RINL: variants seen among roughly 807,000 people sequenced by gnomAD.
The protein encoded by RINL is ras and Rab interactor-like protein.
In RINL, 39 loss-of-function variants were observed where a neutral mutation model predicts 58.1. That is an observed-to-expected ratio of 0.67 (90% CI 0.52 to 0.88). The LOEUF is 0.88. RINL is among the 40% of genes least tolerant of loss of function. RINL has a pLI of 0.00. For synonymous variants in RINL, 286 were observed against 323.1 expected, an observed-to-expected ratio of 0.89 and a Z score of 1.23; for missense variants, 711 against 749.2, an observed-to-expected ratio of 0.95 and a Z score of 0.60.
At chr19:38,876,239 T>C in intron 3 of RINL, 92 bp downstream of exon 3, 5 of 1,294,922 alleles carry the variant, frequency 3.9e-6, no homozygotes, top group Non-Finnish European at 5.2e-6. Flanking sequence ...ATAGCCTTTT[T>C]GGTTTGCCCA....
intron 3 of RINL, among the ~76,000 whole-genome samples, chr19:38,876,089 T>C (rs1229135969): frequency 6.6e-6 from 1 of 151,004 alleles, no homozygotes; most frequent in Non-Finnish European, 1.5e-5. Flanking sequence ...AGACAGGGTC[T>C]TGCTCCATCA....
In RINL at chr19:38,870,747, C is replaced by T. The variant is rs1186942418; in HGVS notation, c.847G>A (p.Val283Met). Reference protein sequence around the residue: ...YVARQYRSLRVRIASDSGGPH... With the variant: ...YVARQYRSLRMRIASDSGGPH... The stretch of plus-strand genomic sequence containing the variant: ...CCCCCAGAATCTGAGGCGATGCGCA[C>T]CCGAAGGCTTCGGTACTGCCTGGCC... The change falls in exon 8 of 12, where the codon GTG (valine) becomes ATG (methionine). Residue 283 changes from valine (V) to methionine (M), a missense_variant. Coordinates refer to ENST00000591812, the MANE Select transcript of RINL (RefSeq NM_001195833.2). The surrounding 1 kb of genome is among the most constrained non-coding windows in gnomAD (Gnocchi z 5.8). 6.2e-7 allele frequency: 1 copy of T among 1,613,300 alleles called. No homozygotes were observed. Among genetic ancestry groups the T allele is most frequent in the African/African-American group, 1.3e-5 (1 of 74,936 alleles).
intron 6 of RINL, 137 bp from the exon 7 acceptor site, chr19:38,871,364 G>C: frequency 2.1e-6 from 2 of 946,398 alleles, no homozygotes; most frequent in Non-Finnish European, 3.2e-6. Context: ...TCCTCAGTCA[G>C]ACCCAGGAGT....
chr19:38,870,052 G>C lies in RINL; in HGVS notation c.1233C>G (p.His411Gln). The C allele has an allele frequency of 6.5e-7, 1 of 1,539,988 alleles. No individual in the cohort carries two copies. Among genetic ancestry groups the C allele is most frequent in the Non-Finnish European group, 8.7e-7 (1 of 1,147,884 alleles). Residue 411 changes from histidine to glutamine, a missense_variant, in exon 9 of 12, where the codon CAC (histidine) becomes CAG (glutamine). By Grantham distance (24) the His-to-Gln change is conservative (BLOSUM62 0). Transcript: ENST00000591812. The surrounding 1 kb of genome is among the most constrained non-coding windows in gnomAD (Gnocchi z 5.8). ...SPAPALRSRIHERLAHLHAAC... is the reference protein window; with the variant it reads ...SPAPALRSRIQERLAHLHAAC... Reference sequence around the variant, plus strand: ...CAGCGTGGAGGTGCGCAAGGCGCTCGTGGATGCGGCTCCGCAAGGCGGGGG... The same window carrying C: ...CAGCGTGGAGGTGCGCAAGGCGCTCCTGGATGCGGCTCCGCAAGGCGGGGG...
At chr19:38,871,774 G>C in intron 5 of RINL, 24 bp downstream of exon 5, 3 of 1,613,268 alleles carry the variant, frequency 1.9e-6, no homozygotes, top group Non-Finnish European at 2.5e-6. Context: ...GTCCCCCTTA[G>C]TGCCTCAGAT....
At chr19:38,873,855 GT>G in intron 4 of RINL, 30 bp downstream of exon 4, 2 of 1,332,564 alleles carry the variant, frequency 1.5e-6, no homozygotes, top group Non-Finnish European at 2.1e-6. Flanking sequence ...TCAATTGACT[GT>G]GGGCTGGAAC....
chr19:38,868,814 AC>A lies in RINL; in HGVS notation c.*289del, dbSNP rs535559624. 1.6e-3 allele frequency: 537 copies of A among 343,576 alleles called. 3 individuals carry two copies. Among genetic ancestry groups the A allele is most frequent in the South Asian group, 7.2e-3 (159 of 21,964 alleles). The allele number at this position is 343,576 out of a possible 1,614,324, so 21.3% of individuals were successfully genotyped here. A position where few individuals can be genotyped will look rare whatever the true frequency, so the allele number is the denominator to read the frequency against. On this transcript the variant is annotated 3_prime_UTR_variant, in exon 12 of 12. Coordinates refer to ENST00000591812, the MANE Select transcript of RINL (RefSeq NM_001195833.2). Reference sequence around the variant, plus strand: ...TGCTTCTCGGAATGCTCTTCCTAATACCCACTCTGCTCCTCCCTTCCCCTCC... The same window carrying A: ...TGCTTCTCGGAATGCTCTTCCTAATACCACTCTGCTCCTCCCTTCCCCTCC...
At position 38,869,467 on chromosome 19, in the gene RINL, T is replaced by TC; in HGVS notation, c.1475-58dup. The TC allele has an allele frequency of 6.3e-7, 1 of 1,577,418 alleles. No homozygotes were observed. The highest frequency in any genetic ancestry group is 8.6e-7 in the Non-Finnish European group (1 of 1,159,156). On this transcript the variant is annotated intron_variant, in intron 10 of 11. Coordinates refer to ENST00000591812, the MANE Select transcript of RINL (RefSeq NM_001195833.2). The surrounding 1 kb of genome is among the most constrained non-coding windows in gnomAD (Gnocchi z 5.7). Reference sequence around the variant, plus strand: ...TCTCGGCTTCCCTGGTCGCCCCAAATCCCCCTGCAGTTTGCCTGCCGTCCC... The same window carrying TC: ...TCTCGGCTTCCCTGGTCGCCCCAAATCCCCCCTGCAGTTTGCCTGCCGTCCC...
chr19:38,877,569 G>T (rs1425360105), intron 1 of RINL, among the ~76,000 whole-genome samples: 1 of 152,148 alleles, frequency 6.6e-6, no homozygotes, highest in African/African-American at 2.4e-5. Context: ...TGAAAGAATT[G>T]TACAGGAAAC....
chr19:38,870,887 T>G lies in RINL; in HGVS notation c.707A>C (p.Glu236Ala). Residue 236 changes from glutamate to alanine, a missense_variant, in exon 8 of 12, where the codon GAG becomes GCG. Physicochemically the swap from Glu to Ala is moderately radical, Grantham distance 107. Coordinates refer to ENST00000591812, the MANE Select transcript of RINL (RefSeq NM_001195833.2). The surrounding 1 kb of genome is among the most constrained non-coding windows in gnomAD (Gnocchi z 5.8). ...PALASLLEEE[E>A]EDLEGKEEGR... ...TTCCTCCTTTCCTTCAAGGTCTTCCTCCTCCTCTTCCAGTAGGCTGGCGAG... is the reference window on the plus strand; with the variant it reads ...TTCCTCCTTTCCTTCAAGGTCTTCCGCCTCCTCTTCCAGTAGGCTGGCGAG... The G allele has an allele frequency of 6.2e-7, 1 of 1,604,728 alleles. No individual in the cohort carries two copies.
chr19:38,868,667 A>C lies in RINL; in HGVS notation c.*437T>G. On this transcript the variant is annotated 3_prime_UTR_variant, in exon 12 of 12. Transcript: ENST00000591812. Reference sequence around the variant, plus strand: ...CAAAACCCCCTGTTCCTCAAGCAAGATGCCAGACGTACCTGGGTCAGTCCA... The same window carrying C: ...CAAAACCCCCTGTTCCTCAAGCAAGCTGCCAGACGTACCTGGGTCAGTCCA... 6.4e-6 allele frequency: 1 copy of C among 155,156 alleles called. No individual in the cohort carries two copies. The highest frequency in any genetic ancestry group is 2.0e-4 in the South Asian group (1 of 5,046). 9.6% of individuals were successfully genotyped at this position (155,156 alleles called of 1,614,324 possible).
At position 38,870,601 on chromosome 19, in the gene RINL, AC is replaced by A. The variant is rs1298463243; in HGVS notation, c.992del (p.Gly331ValfsTer27). 5.0e-6 allele frequency: 8 copies of A among 1,599,962 alleles called. No individual in the cohort carries two copies. Among genetic ancestry groups the A allele is most frequent in the Non-Finnish European group, 6.8e-6 (8 of 1,172,522 alleles). ...CCTCGTCCTTCTTGGGGAGCCCAGG[AC>A]CCCTGCTTCCAAAGACAGCCCTGAT... ...SYIRAVFGSR[G>X]PGLPKKDEDP... On this transcript the variant is annotated frameshift_variant, in exon 8 of 12. Transcript: ENST00000591812. LOFTEE classifies it high-confidence loss of function. This position sits in a 1 kb window ranked among gnomAD's most constrained non-coding sequence, Gnocchi z 5.8.
At position 38,870,516 on chromosome 19, in the gene RINL, G is replaced by C. The variant is rs1972782062; in HGVS notation, c.1024+54C>G. On this transcript the variant is annotated intron_variant, in intron 8 of 11. Transcript: ENST00000591812. The surrounding 1 kb of genome is among the most constrained non-coding windows in gnomAD (Gnocchi z 5.8). Reference sequence around the variant, plus strand: ...GGAAACGTGTGCGCACCGATGGAGAGGACGAAGTTGCACACTTGAACCCGT... The same window carrying C: ...GGAAACGTGTGCGCACCGATGGAGACGACGAAGTTGCACACTTGAACCCGT... The C allele has an allele frequency of 3.3e-6, 5 of 1,499,110 alleles. No individual in the cohort carries two copies. Among genetic ancestry groups the C allele is most frequent in the Non-Finnish European group, 4.4e-6 (5 of 1,123,986 alleles). 92.9% of individuals were successfully genotyped at this position (1,499,110 alleles called of 1,614,324 possible).
At chr19:38,873,257 T>A (rs1346167662) in intron 4 of RINL, among the ~76,000 whole-genome samples, 39 of 151,714 alleles carry the variant, frequency 2.6e-4, no homozygotes, top group Non-Finnish European at 1.5e-5. Flanking sequence ...ACACACAGAG[T>A]GTAACAGTGT....
chr19:38,876,817 A>G, intron 1 of RINL, 36 bp from the exon 2 acceptor site: 1 of 1,185,066 alleles, frequency 8.4e-7, no homozygotes, highest in Non-Finnish European at 1.2e-6. Flanking sequence ...AAGCTGCTCT[A>G]GCCCTCGGGT....
At chr19:38,871,422 C>T (rs990277928) in intron 6 of RINL, 195 bp from the exon 7 acceptor site, 3 of 686,924 alleles carry the variant, frequency 4.4e-6, no homozygotes, top group Non-Finnish European at 4.9e-6. Context: ...TCCGGGACCC[C>T]CAGTTCCTTC....
intron 1 of RINL, among the ~76,000 whole-genome samples, 156 bp downstream of exon 1, chr19:38,878,076 G>A (rs1169066045): frequency 6.6e-6 from 1 of 152,194 alleles, no homozygotes; most frequent in Non-Finnish European, 1.5e-5. Context: ...GGGAGGGGAG[G>A]GGAGGGGAGA....
chr19:38,871,866 C>T lies in RINL; in HGVS notation c.318G>A (p.Val106=). The T allele has an allele frequency of 1.2e-6, 2 of 1,613,592 alleles. No homozygotes were observed. The highest frequency in any genetic ancestry group is 1.7e-6 in the Non-Finnish European group (2 of 1,179,608). Reference sequence around the variant, plus strand: ...TGCAGAGGTTGGAGGATTCCAGGGACACACCTGTGGTGGGGGGAGGAAGAA... The same window carrying T: ...TGCAGAGGTTGGAGGATTCCAGGGATACACCTGTGGTGGGGGGAGGAAGAA... The part of the protein sequence containing the change: ...TYQIQKIPRG[V]SLESSNLCMP... The change falls in exon 5 of 12, where the codon GTG becomes GTA. Residue 106 remains valine (V), a synonymous_variant. Coordinates refer to ENST00000591812, the MANE Select transcript of RINL (RefSeq NM_001195833.2).
chr19:38,875,794 C>A (rs10424892), intron 3 of RINL, among the ~76,000 whole-genome samples: 1 of 152,100 alleles, frequency 6.6e-6, no homozygotes, highest in African/African-American at 2.4e-5. Flanking sequence ...GGGCAGCCCC[C>A]GGGAAGCTGT....
Sources: gnomAD v4.1 joint callset for allele counts (sites outside exome capture counted in the v4.1 genomes callset) on GRCh38, gnomAD v4.1.1 for gene constraint, Gnocchi (gnomAD v3.1) non-coding constraint, MANE v1.5 for transcripts, NCBI Gene and HGNC (gene_info 2026-07-23, HGNC 2026-07-21) for gene names.